Variants in ERMP1 observed in about 807,000 individuals in gnomAD.
The protein encoded by ERMP1 is endoplasmic reticulum metallopeptidase 1.
Under a neutral mutation model 92.0 loss-of-function variants are expected in ERMP1, and 86 were observed. That is an observed-to-expected ratio of 0.93 (90% confidence interval 0.79 to 1.12). ERMP1 has a LOEUF of 1.12. Among genes scored for constraint, ERMP1 ranks in the 50% most tolerant of loss-of-function variants. The probability of loss-of-function intolerance (pLI) is 0.00; values close to 1 mark genes in which losing one functional copy is unlikely to be tolerated. For missense variants in ERMP1, 1,342 were observed against 1,116.3 expected (o/e 1.20, Z -2.88); for synonymous variants, 530 against 412.8 (o/e 1.28, Z -3.44).
At chr9:5,842,114 G>A (rs1427972637) in intron 6 of ERMP1, among the ~76,000 whole-genome samples, 1 of 152,130 alleles carries the variant, frequency 6.6e-6, no homozygotes, top group East Asian at 1.9e-4. Flanking sequence ...AAAACAGAAA[G>A]AACAAAGCCT....
intron 5 of ERMP1, among the ~76,000 whole-genome samples, chr9:5,859,686 T>A (rs1586845264): frequency 6.6e-6 from 1 of 152,206 alleles, no homozygotes; most frequent in East Asian, 1.9e-4. Flanking sequence ...CCATAACTAT[T>A]TCAAAGCCTT....
In ERMP1 at chr9:5,796,790, T is replaced by C. The variant is rs1190320534; in HGVS notation, c.2386+1027A>G. Among the ~76,000 whole-genome samples the C allele has an allele frequency of 2.0e-5, 3 of 152,188 alleles. No individual in the cohort carries two copies. In the East Asian group the frequency reaches 5.8e-4, roughly 29 times the overall value. On this transcript the variant is annotated intron_variant, in intron 13 of 14. Transcript: ENST00000339450. ...ATGGTAAATCTATTCTGTATGATAC[T>C]GTAATGGTAGATACATGGCATCACA...
intron 5 of ERMP1, among the ~76,000 whole-genome samples, chr9:5,865,969 A>G (rs756976499): frequency 9.2e-5 from 14 of 152,106 alleles, no homozygotes; most frequent in Non-Finnish European, 1.6e-4. Context: ...TAGTAATTTA[A>G]ATTTTCTTCC....
chr9:5,838,450 T>C (rs1171052177), intron 6 of ERMP1, among the ~76,000 whole-genome samples: 1 of 151,280 alleles, frequency 6.6e-6, no homozygotes, highest in Non-Finnish European at 1.5e-5. Context: ...GAGACTGAGG[T>C]GAGAGGATCG....
chr9:5,798,204 C>G (rs960764788), intron 12 of ERMP1, among the ~76,000 whole-genome samples: 11 of 152,014 alleles, frequency 7.2e-5, no homozygotes, highest in African/African-American at 2.7e-4. Context: ...TAAAATCTTC[C>G]CAGAGAAAAC....
chr9:5,866,858 CA>C (rs1830682114), intron 5 of ERMP1, among the ~76,000 whole-genome samples: 1 of 152,148 alleles, frequency 6.6e-6, no homozygotes, highest in Admixed American at 6.5e-5. Context: ...GCAAGTTACA[CA>C]AGCTCCCTGA....
rs146506020 is a variant in ERMP1 at position 5,832,374 on chromosome 9, G to A, written c.338+316C>T. 279 of 337,868 alleles carry A rather than the reference G, an allele frequency of 8.3e-4. 2 individuals are homozygous for A. The highest frequency in any genetic ancestry group is 1.5e-3 in the Middle Eastern group (2 of 1,316). 20.9% of individuals were successfully genotyped at this position (337,868 alleles called of 1,614,324 possible). On this transcript the variant is annotated intron_variant, in intron 1 of 14. Coordinates refer to ENST00000339450, the MANE Select transcript of ERMP1 (RefSeq NM_024896.3). Reference sequence around the variant, plus strand: ...GGGCTAAGCAAGGTAAAAAGGGGAAGCTGTTCCAGAATATGGGGAGACGAC... The same window carrying A: ...GGGCTAAGCAAGGTAAAAAGGGGAAACTGTTCCAGAATATGGGGAGACGAC...
At chr9:5,824,633 C>G (rs944279261) in intron 3 of ERMP1, among the ~76,000 whole-genome samples, 16 of 152,224 alleles carry the variant, frequency 1.1e-4, no homozygotes, top group Non-Finnish European at 2.4e-4. Context: ...AAACTCCTGA[C>G]CTCGTGATCT....
intron 2 of ERMP1, among the ~76,000 whole-genome samples, chr9:5,827,760 T>C (rs1353704864): frequency 6.6e-6 from 1 of 150,998 alleles, no homozygotes; most frequent in African/African-American, 2.4e-5. Flanking sequence ...GAGGTTGCAG[T>C]GAGCAGAGAT....
upstream of ERMP1, among the ~76,000 whole-genome samples, chr9:5,833,359 AC>A (rs550666434): frequency 6.6e-5 from 10 of 152,294 alleles, no homozygotes; most frequent in African/African-American, 2.4e-4. Flanking sequence ...TTGAAAGAAC[AC>A]ACAAGGCTCT....
chr9:5,823,790 C>T (rs529919417), intron 4 of ERMP1, 106 bp downstream of exon 4: 1 of 780,996 alleles, frequency 1.3e-6, no homozygotes, highest in Non-Finnish European at 2.1e-6. Flanking sequence ...AAAAAGAATG[C>T]TCATTCAAGA....
chr9:5,823,627 A>C (rs887196204), intron 4 of ERMP1, among the ~76,000 whole-genome samples: 1 of 152,208 alleles, frequency 6.6e-6, no homozygotes, highest in Non-Finnish European at 1.5e-5. Flanking sequence ...AACAGTACTT[A>C]TCTTACATGT....
chr9:5,804,998 G>C, intron 10 of ERMP1, 29 bp downstream of exon 10: 1 of 1,537,514 alleles, frequency 6.5e-7, no homozygotes, highest in South Asian at 1.2e-5. Context: ...AAAAAATGAA[G>C]AAAAAGAAAA....
Position 5,787,022 on chromosome 9 carries a change from G to A in ERMP1, c.*122C>T, listed in dbSNP as rs1315247850. The A allele has an allele frequency of 4.6e-5, 47 of 1,017,526 alleles. No homozygotes were observed. Among genetic ancestry groups the A allele is most frequent in the Non-Finnish European group, 6.2e-5 (44 of 708,974 alleles). The allele number at this position is 1,017,526 out of a possible 1,614,324, so 63.0% of individuals were successfully genotyped here. On this transcript the variant is annotated 3_prime_UTR_variant, in exon 15 of 15. Coordinates refer to ENST00000339450, the MANE Select transcript of ERMP1 (RefSeq NM_024896.3). ...GCCCTGAAAAGCGTTAACCCAGAAAGCTCTTTGAACATATGATCATTAAAA... is the reference window on the plus strand; with the variant it reads ...GCCCTGAAAAGCGTTAACCCAGAAAACTCTTTGAACATATGATCATTAAAA...
At chr9:5,839,190 T>C (rs1368963661) in intron 6 of ERMP1, among the ~76,000 whole-genome samples, 1 of 152,260 alleles carries the variant, frequency 6.6e-6, no homozygotes, top group Non-Finnish European at 1.5e-5. Context: ...GATTCAGTAA[T>C]TAATCAATTG....
At chr9:5,827,663 C>T (rs1252971654) in intron 2 of ERMP1, among the ~76,000 whole-genome samples, 1 of 151,842 alleles carries the variant, frequency 6.6e-6, no homozygotes, top group African/African-American at 2.4e-5. Context: ...AGATTGAGAC[C>T]ATCCTGGCTA....
intron 2 of ERMP1, among the ~76,000 whole-genome samples, chr9:5,829,325 A>C (rs1017392844): frequency 6.6e-6 from 1 of 152,160 alleles, no homozygotes. Context: ...TGAAAATGCA[A>C]GTTACATTCT....
chr9:5,800,714 T>C (rs1016025475), intron 11 of ERMP1, among the ~76,000 whole-genome samples: 11 of 152,174 alleles, frequency 7.2e-5, no homozygotes, highest in African/African-American at 9.6e-5. Context: ...AAACTCACTT[T>C]ATTAAACCCT....
chr9:5,842,386 C>T (rs1222225667), intron 6 of ERMP1, among the ~76,000 whole-genome samples: 1 of 146,950 alleles, frequency 6.8e-6, no homozygotes, highest in Non-Finnish European at 1.5e-5. Flanking sequence ...ACCGGCTTCA[C>T]CTCTCAACTG....
Sources: gnomAD v4.1 joint callset for allele counts (sites outside exome capture counted in the v4.1 genomes callset) on GRCh38, gnomAD v4.1.1 for gene constraint, MANE v1.5 for transcripts, NCBI Gene and HGNC (gene_info 2026-07-23, HGNC 2026-07-21) for gene names.